The following COL21A1 variants were observed in gnomAD, a reference collection of about 807,000 sequenced individuals.
COL21A1 encodes collagen alpha-1(XXI) chain.
Under a neutral mutation model 137.9 loss-of-function variants are expected in COL21A1, and 149 were observed. The ratio of observed to expected loss-of-function variants is 1.08; its 90% confidence interval spans 0.95 to 1.24. The LOEUF is 1.24. COL21A1 is among the 50% of genes most tolerant of loss of function. The pLI is 0.00. For synonymous variants in COL21A1, 456 were observed against 391.5 expected, an observed-to-expected ratio of 1.16 and a Z score of -1.95; for missense variants, 1,167 against 1,158.4, an observed-to-expected ratio of 1.01 and a Z score of -0.11.
chr6:56,194,250 A>G (rs930368468), intron 1 of COL21A1, among the ~76,000 whole-genome samples: 20 of 152,234 alleles, frequency 1.3e-4, no homozygotes, highest in Non-Finnish European at 2.8e-4. Flanking sequence ...TAAATTGACA[A>G]TCATTAAAAT....
chr6:56,101,565 T>TC, intron 16 of COL21A1, 40 bp from the exon 17 acceptor site: 1 of 1,431,938 alleles, frequency 7.0e-7, no homozygotes, highest in Non-Finnish European at 9.6e-7. Context: ...GAATTCAGTT[T>TC]TGAGGTCTGC....
intron 1 of COL21A1, among the ~76,000 whole-genome samples, chr6:56,362,026 G>C (rs11757941): frequency 6.6e-6 from 1 of 151,908 alleles, no homozygotes; most frequent in African/African-American, 2.4e-5. Flanking sequence ...AGGTCTCCAG[G>C]TTAACTGAAC....
intron 1 of COL21A1, among the ~76,000 whole-genome samples, chr6:56,296,072 T>C (rs1764157621): frequency 1.3e-5 from 2 of 151,962 alleles, no homozygotes. Flanking sequence ...ATAAGTTTTT[T>C]ACAGATGTTC....
At chr6:56,301,254 G>T (rs966418596) in intron 1 of COL21A1, among the ~76,000 whole-genome samples, 1 of 152,104 alleles carries the variant, frequency 6.6e-6, no homozygotes, top group South Asian at 2.1e-4. Flanking sequence ...GAATCAAAAA[G>T]ATCATTTTAA....
intron 17 of COL21A1, among the ~76,000 whole-genome samples, chr6:56,080,826 TGAA>T (rs1767691953): frequency 6.6e-6 from 1 of 151,834 alleles, no homozygotes; most frequent in African/African-American, 2.4e-5. Flanking sequence ...AAAGATTCAA[TGAA>T]GAAAAAATTC....
Position 56,060,200 on chromosome 6 carries a change from A to G in COL21A1, c.2426T>C (p.Leu809Pro). ...DVIRAQLPVL[L>P]QSGRIRNCDH... ...ACAATTTCTAATTCTTCCACTCTGA[A>G]GTAAGACTGGTAGCTGGGCTTTCAA... The change falls in exon 28 of 30, where the codon CTT becomes CCT. Residue 809 changes from leucine (L) to proline (P), a missense_variant. Coordinates refer to ENST00000244728, the MANE Select transcript of COL21A1 (RefSeq NM_030820.4). 1 of 1,604,058 alleles carries G rather than the reference A, an allele frequency of 6.2e-7. No homozygotes were observed. Among genetic ancestry groups the G allele is most frequent in the Non-Finnish European group, 8.5e-7 (1 of 1,176,644 alleles).
At chr6:56,264,669 CA>C (rs1193274721) in intron 1 of COL21A1, among the ~76,000 whole-genome samples, 1 of 152,196 alleles carries the variant, frequency 6.6e-6, no homozygotes, top group African/African-American at 2.4e-5. Flanking sequence ...TTCAACATAT[CA>C]AAAACTGAAT....
In COL21A1 at chr6:56,334,119, C is replaced by T. The variant is rs544817501; in HGVS notation, c.-39+59852G>A. Among the ~76,000 whole-genome samples the T allele has an allele frequency of 2.8e-3, 430 of 152,024 alleles. 5 individuals are homozygous for T. The highest frequency in any genetic ancestry group is 9.5e-3 in the African/African-American group (396 of 41,500). ...TAAAAAGTCACTTATTCAGAGAAAC[C>T]TTCCATGACTACTCAACAGAATTTG... On this transcript the variant is annotated intron_variant, in intron 1 of 28. Coordinates refer to the COL21A1 transcript ENST00000370819.
intron 1 of COL21A1, among the ~76,000 whole-genome samples, chr6:56,225,442 A>G (rs1305561874): frequency 6.6e-6 from 1 of 152,034 alleles, no homozygotes; most frequent in Non-Finnish European, 1.5e-5. Flanking sequence ...TTAAGTAGCT[A>G]AGTTCTCTAC....
intron 1 of COL21A1, among the ~76,000 whole-genome samples, chr6:56,354,763 C>G (rs928584280): frequency 1.3e-5 from 2 of 152,016 alleles, no homozygotes; most frequent in African/African-American, 2.4e-5. Context: ...CCATCTACTG[C>G]GAGGAGGATC....
At chr6:56,210,280 G>A (rs919403252) in intron 1 of COL21A1, among the ~76,000 whole-genome samples, 1 of 151,924 alleles carries the variant, frequency 6.6e-6, no homozygotes, top group African/African-American at 2.4e-5. Context: ...AATTTAAATA[G>A]CTTGAACTAC....
intron 1 of COL21A1, among the ~76,000 whole-genome samples, chr6:56,290,791 C>T (rs980888025): frequency 7.9e-5 from 12 of 152,184 alleles, no homozygotes; most frequent in African/African-American, 1.7e-4. Flanking sequence ...TGAGCCACCA[C>T]GCCCGGCCAG....
chr6:56,078,819 A>G (rs990951954), intron 17 of COL21A1, among the ~76,000 whole-genome samples: 1 of 151,778 alleles, frequency 6.6e-6, no homozygotes. Flanking sequence ...AGCAATGACT[A>G]TCAACAAGGG....
At chr6:56,209,952 AAGG>A (rs768110683) in intron 1 of COL21A1, among the ~76,000 whole-genome samples, 5 of 152,154 alleles carry the variant, frequency 3.3e-5, no homozygotes, top group Non-Finnish European at 7.3e-5. Context: ...AGCCATAAAG[AAGG>A]AGGAGTTCAT....
chr6:56,148,639 T>C (rs1205791731), intron 10 of COL21A1, among the ~76,000 whole-genome samples: 3 of 152,148 alleles, frequency 2.0e-5, no homozygotes, highest in Admixed American at 6.5e-5. Context: ...CCATGTTCAG[T>C]TAAGGGTCTG....
chr6:56,277,967 T>A (rs1451378034), intron 1 of COL21A1, among the ~76,000 whole-genome samples: 1 of 152,226 alleles, frequency 6.6e-6, no homozygotes, highest in Non-Finnish European at 1.5e-5. Flanking sequence ...TTGGTCAACA[T>A]TAAAGACTCC....
At chr6:56,291,551 G>C (rs1206886901) in intron 1 of COL21A1, among the ~76,000 whole-genome samples, 1 of 152,222 alleles carries the variant, frequency 6.6e-6, no homozygotes, top group East Asian at 1.9e-4. Context: ...GGGAGACTAA[G>C]AGCCAAAATG....
In COL21A1 at chr6:56,124,369, AG is replaced by A. The variant is rs994884915; in HGVS notation, c.1651-78del. On this transcript the variant is annotated intron_variant, in intron 14 of 29. Transcript: ENST00000244728. ...GTTCCAACCAAAACTTAAATAGAAA[AG>A]CTACTAAGTTAACATCATTATGTAG... 28 of 1,333,830 alleles carry A rather than the reference AG, an allele frequency of 2.1e-5. No homozygotes were observed. The African/African-American group carries it at 3.9e-4, about 19-fold the overall frequency. The allele number at this position is 1,333,830 out of a possible 1,614,324, so 82.6% of individuals were successfully genotyped here.
chr6:56,094,894 C>T (rs1296533908), intron 17 of COL21A1, among the ~76,000 whole-genome samples: 1 of 152,120 alleles, frequency 6.6e-6, no homozygotes, highest in Non-Finnish European at 1.5e-5. Flanking sequence ...GGTTCATGCC[C>T]ACCAGAAAAT....
Sources: allele counts gnomAD v4.1 joint callset (sites outside exome capture counted in the v4.1 genomes callset), GRCh38; gene constraint gnomAD v4.1.1; transcripts MANE v1.5; gene names NCBI Gene and HGNC (gene_info 2026-07-23, HGNC 2026-07-21).